Variants in PPP1R12B observed in about 807,000 individuals in gnomAD.
PPP1R12B encodes myosin phosphatase target subunit 2.
Under a neutral mutation model 126.1 loss-of-function variants are expected in PPP1R12B, and 76 were observed. The observed-to-expected ratio is 0.60, with a 90% CI of 0.50 to 0.73. The LOEUF (loss-of-function observed/expected upper bound fraction) is 0.73, where lower values mean the gene tolerates loss of function less well. PPP1R12B is among the 30% of genes least tolerant of loss of function. The pLI is 0.00. For synonymous variants in PPP1R12B, 356 were observed against 434.7 expected (o/e 0.82, Z 2.25); for missense variants, 1,052 against 1,205.1 (o/e 0.87, Z 1.88).
chr1:202,502,378 A>G, intron 18 of PPP1R12B: 16 of 984,932 alleles, frequency 1.6e-5, no homozygotes, highest in Non-Finnish European at 1.9e-5. Context: ...GGAATTTGCT[A>G]GCAGAGCTGA....
At chr1:202,576,946 T>C (rs1219160376) in intron 23 of PPP1R12B, 1 of 152,234 alleles carries the variant, frequency 6.6e-6, no homozygotes, top group African/African-American at 2.4e-5. Context: ...TTCACCACTG[T>C]AATATAAGCT....
intron 1 of PPP1R12B, among the ~76,000 whole-genome samples, chr1:202,377,470 T>C (rs1331818791): frequency 4.0e-5 from 6 of 151,874 alleles, no homozygotes; most frequent in Non-Finnish European, 7.4e-5. Context: ...GCCCGGCTAA[T>C]TTTTTGTATT....
intron 1 of PPP1R12B, among the ~76,000 whole-genome samples, chr1:202,369,287 C>T (rs1311291000): frequency 1.3e-5 from 2 of 152,136 alleles, no homozygotes; most frequent in Non-Finnish European, 2.9e-5. Context: ...AAAAGTTGAA[C>T]ACTACGAATT....
chr1:202,409,023 G>A (rs1273466117), intron 1 of PPP1R12B, among the ~76,000 whole-genome samples: 2 of 151,116 alleles, frequency 1.3e-5, no homozygotes, highest in African/African-American at 4.9e-5. Flanking sequence ...ATTTTTAGTA[G>A]AGACAAGGTT....
Position 202,583,912 on chromosome 1 carries a change from T to G in PPP1R12B, c.*3352T>G, listed in dbSNP as rs557885141. On this transcript the variant is annotated 3_prime_UTR_variant, in exon 24 of 24. Coordinates refer to ENST00000608999, the MANE Select transcript of PPP1R12B (RefSeq NM_002481.4). ...GTTCCTGGTAAAACTCTGTTTTCAT[T>G]AATTTGTTATTTTTCAAAAACCGAG... 7.2e-5 allele frequency: 11 copies of G among 152,294 alleles called. No individual in the cohort carries two copies. The East Asian group carries it at 2.1e-3, about 29-fold the overall frequency. The allele number at this position is 152,294 out of a possible 1,614,324, so 9.4% of individuals were successfully genotyped here.
At chr1:202,409,124 C>A (rs1318305066) in intron 1 of PPP1R12B, among the ~76,000 whole-genome samples, 1 of 151,992 alleles carries the variant, frequency 6.6e-6, no homozygotes, top group East Asian at 1.9e-4. Context: ...CAGGCATGAG[C>A]CATTACGACC....
At position 202,368,460 on chromosome 1, in the gene PPP1R12B, T is replaced by G. The variant is rs537087441; in HGVS notation, c.291+19318T>G. Among the ~76,000 whole-genome samples, 6 of 152,274 alleles carry G rather than the reference T, an allele frequency of 3.9e-5. No individual in the cohort carries two copies. The South Asian group carries it at 6.2e-4, about 16-fold the overall frequency. ...GAATTGTGAAACAATTAAATCTCTT[T>G]TTTTAATAAACTAGTCAGCCTCAGG... On this transcript the variant is annotated intron_variant, in intron 1 of 23. Coordinates refer to ENST00000608999, the MANE Select transcript of PPP1R12B (RefSeq NM_002481.4).
intron 1 of PPP1R12B, among the ~76,000 whole-genome samples, chr1:202,388,664 GAATT>G (rs1456965465): frequency 6.6e-6 from 1 of 152,008 alleles, no homozygotes; most frequent in Non-Finnish European, 1.5e-5. Context: ...AGAATTGTTA[GAATT>G]AATATATGAA....
intron 18 of PPP1R12B, among the ~76,000 whole-genome samples, chr1:202,510,646 TC>T (rs1681357607): frequency 6.6e-6 from 1 of 151,946 alleles, no homozygotes; most frequent in East Asian, 1.9e-4. Flanking sequence ...GACAATTGAG[TC>T]CCATTTGGGA....
intron 23 of PPP1R12B, chr1:202,577,248 G>A (rs1032238162): frequency 6.6e-6 from 1 of 152,020 alleles, no homozygotes; most frequent in Non-Finnish European, 1.5e-5. Flanking sequence ...CATACAAATA[G>A]TCAAAAAAGA....
chr1:202,377,220 T>C (rs1323969053), intron 1 of PPP1R12B, among the ~76,000 whole-genome samples: 1 of 152,162 alleles, frequency 6.6e-6, no homozygotes, highest in African/African-American at 2.4e-5. Context: ...TTACTTTCAA[T>C]TGGGAAAGGC....
intron 13 of PPP1R12B, among the ~76,000 whole-genome samples, chr1:202,454,910 C>T (rs1673426201): frequency 2.6e-5 from 4 of 151,474 alleles, no homozygotes; most frequent in Admixed American, 2.0e-4. Flanking sequence ...CCACAGAGCA[C>T]AACCCTGTCT....
At chr1:202,465,537 A>C (rs553358106) in intron 13 of PPP1R12B, among the ~76,000 whole-genome samples, 1 of 152,208 alleles carries the variant, frequency 6.6e-6, no homozygotes. Context: ...CTTATGGGTC[A>C]TCTGGCTGTC....
chr1:202,416,741 A>T (rs760178831), intron 1 of PPP1R12B, 46 bp from the exon 2 acceptor site: 1 of 1,577,070 alleles, frequency 6.3e-7, no homozygotes, highest in Non-Finnish European at 8.7e-7. Flanking sequence ...ACATAGTGGA[A>T]CTCAATGAAT....
chr1:202,539,474 G>A (rs977248859), intron 18 of PPP1R12B, among the ~76,000 whole-genome samples: 3 of 152,194 alleles, frequency 2.0e-5, no homozygotes, highest in Non-Finnish European at 4.4e-5. Context: ...TGTAAAAGCA[G>A]CTTCGTCTGG....
intron 13 of PPP1R12B, among the ~76,000 whole-genome samples, chr1:202,485,427 G>C (rs1433065399): frequency 6.6e-6 from 1 of 151,652 alleles, no homozygotes; most frequent in Non-Finnish European, 1.5e-5. Flanking sequence ...GGGGCAGGGG[G>C]TGCTCAAGGT....
At chr1:202,561,358 C>T (rs1572512241) in intron 19 of PPP1R12B, among the ~76,000 whole-genome samples, 1 of 148,510 alleles carries the variant, frequency 6.7e-6, no homozygotes, top group Non-Finnish European at 1.5e-5. Flanking sequence ...AATTATCTTA[C>T]AGGCATGTAA....
At position 202,562,846 on chromosome 1, in the gene PPP1R12B, G is replaced by A. The variant is rs746671837; in HGVS notation, c.2576G>A (p.Arg859His). 15 of 1,613,274 alleles carry A rather than the reference G, an allele frequency of 9.3e-6. No individual in the cohort carries two copies. The highest frequency in any genetic ancestry group is 1.6e-4 in the Middle Eastern group (1 of 6,080). Residue 859 changes from arginine to histidine, a missense_variant, in exon 20 of 24, where the codon CGT becomes CAT. Physicochemically the swap from Arg to His is conservative, Grantham distance 29. Transcript: ENST00000608999. ...GGTGACCGGGCTTCAGCAAGAGCCCGTCGGGAGGCCCGGGAGGCCCGCCTA... is the reference window on the plus strand; with the variant it reads ...GGTGACCGGGCTTCAGCAAGAGCCCATCGGGAGGCCCGGGAGGCCCGCCTA... The part of the protein sequence containing the change: ...SYGDRASARA[R>H]REAREARLAT...
chr1:202,405,338 A>T (rs2148577783), intron 1 of PPP1R12B, among the ~76,000 whole-genome samples: 1 of 152,262 alleles, frequency 6.6e-6, no homozygotes, highest in Non-Finnish European at 1.5e-5. Flanking sequence ...TTTATCTCTT[A>T]TGAATGAAAC....
Sources: allele counts gnomAD v4.1 joint callset (sites outside exome capture counted in the v4.1 genomes callset), GRCh38; gene constraint gnomAD v4.1.1; transcripts MANE v1.5; gene names NCBI Gene and HGNC (gene_info 2026-07-23, HGNC 2026-07-21).